MARCHF6: variants seen among roughly 807,000 people sequenced by gnomAD.
The protein encoded by MARCHF6 is E3 ubiquitin-protein ligase MARCHF6.
In MARCHF6, 31 loss-of-function variants were observed where a neutral mutation model predicts 133.7. The ratio of observed to expected loss-of-function variants is 0.23; its 90% CI spans 0.17 to 0.31. The LOEUF is 0.31. MARCHF6 is among the 10% of genes least tolerant of loss of function. The pLI, the probability that MARCHF6 is intolerant of heterozygous loss-of-function variation, is 1.00. For missense variants in MARCHF6, 723 were observed against 1,121.6 expected (o/e 0.64, Z 5.08); for synonymous variants, 395 against 402.5 (o/e 0.98, Z 0.22).
At chr5:10,402,012 G>A (rs1738563392) in intron 11 of MARCHF6, 47 bp from the exon 12 acceptor site, 1 of 1,123,086 alleles carries the variant, frequency 8.9e-7, no homozygotes, top group Non-Finnish European at 1.4e-6. Context: ...CCGGGGTGTA[G>A]AACATGTTGT....
chr5:10,404,149 C>T (rs1342656409), intron 15 of MARCHF6, among the ~76,000 whole-genome samples: 1 of 151,740 alleles, frequency 6.6e-6, no homozygotes, highest in African/African-American at 2.4e-5. Flanking sequence ...GATCTTGGAA[C>T]CTCCACCTCC....
chr5:10,399,788 T>C (rs1272082378), intron 10 of MARCHF6, among the ~76,000 whole-genome samples: 2 of 152,176 alleles, frequency 1.3e-5, no homozygotes, highest in Admixed American at 1.3e-4. Flanking sequence ...TTATAAGTTA[T>C]TAGTCTTTTA....
intron 22 of MARCHF6, among the ~76,000 whole-genome samples, 168 bp from the exon 23 acceptor site, chr5:10,423,566 GA>G (rs1044750166): frequency 1.3e-5 from 2 of 151,896 alleles, no homozygotes; most frequent in African/African-American, 2.4e-5. Flanking sequence ...AGCTGTTGAA[GA>G]AAAAAAATTC....
intron 12 of MARCHF6, 23 bp downstream of exon 12, chr5:10,402,162 G>A: frequency 1.4e-6 from 2 of 1,395,266 alleles, no homozygotes; most frequent in East Asian, 2.3e-5. Flanking sequence ...GAACCAACTT[G>A]GGTGTACACT....
rs368423784 is a variant in MARCHF6, at chr5:10,410,205, C to T, written c.1620C>T (p.Leu540=). 1.9e-5 allele frequency: 30 copies of T among 1,613,918 alleles called. No individual in the cohort carries two copies. The highest frequency in any genetic ancestry group is 6.7e-5 in the Admixed American group (4 of 60,016). Residue 540 remains leucine, a synonymous_variant, in exon 18 of 26, where the codon CTC becomes CTT. Coordinates refer to ENST00000274140, the MANE Select transcript of MARCHF6 (RefSeq NM_005885.4). ...TTCAGGTTGTCTTGCCAGCATTACT[C>T]GAACAGGGACACACGAGGCAGTGGC... is the stretch of plus-strand genomic sequence containing the variant. The part of the protein sequence containing the change: ...LLLQVVLPAL[L]EQGHTRQWLK...
chr5:10,365,450 G>A (rs1736088536), intron 1 of MARCHF6, among the ~76,000 whole-genome samples: 1 of 152,102 alleles, frequency 6.6e-6, no homozygotes. Flanking sequence ...ACAGGCATAT[G>A]CCACCACACC....
At chr5:10,380,096 A>C (rs1737037640) in intron 3 of MARCHF6, among the ~76,000 whole-genome samples, 1 of 149,916 alleles carries the variant, frequency 6.7e-6, no homozygotes, top group Admixed American at 6.6e-5. Flanking sequence ...TTGAAGCATA[A>C]TTTTTCATTC....
chr5:10,397,456 C>A, intron 10 of MARCHF6, 112 bp downstream of exon 10: 2 of 762,152 alleles, frequency 2.6e-6, no homozygotes, highest in Non-Finnish European at 4.0e-6. Flanking sequence ...AAATACTAAG[C>A]AGTATATGAA....
At position 10,426,431 on chromosome 5, in the gene MARCHF6, T is replaced by C. The variant is rs1476123393; in HGVS notation, c.2415T>C (p.Ile805=). 8 of 1,614,194 alleles carry C rather than the reference T, an allele frequency of 5.0e-6. No homozygotes were observed. In the South Asian group the frequency reaches 8.8e-5, roughly 18 times the overall value. ...TCCGGAACATTGACCTTCACTATATTGTTCGTAAACTGGCAGCTCCCGTGA... is the reference window on the plus strand; with the variant it reads ...TCCGGAACATTGACCTTCACTATATCGTTCGTAAACTGGCAGCTCCCGTGA... The part of the protein sequence containing the change: ...NGIRNIDLHY[I]VRKLAAPVIS... The change falls in exon 24 of 26, where the codon ATT becomes ATC. Residue 805 remains isoleucine, a synonymous_variant. Transcript: ENST00000274140.
intron 2 of MARCHF6, among the ~76,000 whole-genome samples, chr5:10,378,315 A>G (rs2126693516): frequency 6.6e-6 from 1 of 152,314 alleles, no homozygotes; most frequent in Admixed American, 6.5e-5. Context: ...GAAAATTGTG[A>G]TGAGGTGGAG....
intron 1 of MARCHF6, among the ~76,000 whole-genome samples, chr5:10,375,436 C>T (rs1448371603): frequency 6.6e-6 from 1 of 152,264 alleles, no homozygotes; most frequent in Admixed American, 6.5e-5. Context: ...GCCTGAGCCT[C>T]CCACCCACTC....
At chr5:10,363,576 C>A (rs1735952405) in intron 1 of MARCHF6, among the ~76,000 whole-genome samples, 1 of 152,108 alleles carries the variant, frequency 6.6e-6, no homozygotes, top group African/African-American at 2.4e-5. Flanking sequence ...TTGGTAATTC[C>A]TCAAAAAGAT....
rs1301085478 is a variant in MARCHF6, at chr5:10,390,494, A to G, written c.570A>G (p.Gln190=). Residue 190 remains glutamine (Q), a synonymous_variant, in exon 6 of 26, where the codon CAA becomes CAG. Coordinates refer to ENST00000274140, the MANE Select transcript of MARCHF6 (RefSeq NM_005885.4). The part of the protein sequence containing the change: ...APPFNAAGHH[Q]NEAPAGGNGA... The stretch of plus-strand genomic sequence containing the variant: ...CGTTCAATGCTGCGGGGCATCACCA[A>G]AATGAGGTAACTCCCCTACCCCAAA... 1 of 1,612,644 alleles carries G rather than the reference A, an allele frequency of 6.2e-7. No homozygotes were observed. The highest frequency in any genetic ancestry group is 1.7e-5 in the Admixed American group (1 of 59,470).
intron 1 of MARCHF6, among the ~76,000 whole-genome samples, chr5:10,371,373 A>G (rs760912520): frequency 2.0e-5 from 3 of 152,198 alleles, no homozygotes; most frequent in African/African-American, 4.8e-5. Flanking sequence ...TGATAAAGAC[A>G]TACCTGAGAC....
At chr5:10,410,664 G>A (rs903322007) in intron 18 of MARCHF6, among the ~76,000 whole-genome samples, 3 of 151,804 alleles carry the variant, frequency 2.0e-5, no homozygotes, top group African/African-American at 7.3e-5. Context: ...ATCTTCTAGT[G>A]AACATGTTGC....
chr5:10,430,459 C>T (rs1740310576), intron 25 of MARCHF6, among the ~76,000 whole-genome samples: 1 of 151,984 alleles, frequency 6.6e-6, no homozygotes, highest in African/African-American at 2.4e-5. Flanking sequence ...GTGTGCACCA[C>T]CATGCTCAGC....
chr5:10,427,709 A>G (rs2126354935), intron 24 of MARCHF6, among the ~76,000 whole-genome samples: 1 of 152,306 alleles, frequency 6.6e-6, no homozygotes, highest in South Asian at 2.1e-4. Flanking sequence ...GAACTTTTCC[A>G]GCCCTTTGGA....
At position 10,437,859 on chromosome 5, in the gene MARCHF6, TTTTG is replaced by T. The variant is rs549259438; in HGVS notation, c.*4183_*4186del. The T allele has an allele frequency of 3.9e-5, 6 of 152,436 alleles. No homozygotes were observed. Among genetic ancestry groups the T allele is most frequent in the South Asian group, 2.1e-4 (1 of 4,834 alleles). 9.4% of individuals were successfully genotyped at this position (152,436 alleles called of 1,614,324 possible). ...GTGAATGTTAATTGTAGTCTAGTTT[TTTTG>T]TTTGTTTTTGTGTTATTGCAAGATT... On this transcript the variant is annotated 3_prime_UTR_variant, in exon 26 of 26. Coordinates refer to ENST00000274140, the MANE Select transcript of MARCHF6 (RefSeq NM_005885.4).
At chr5:10,358,896 A>G (rs1735647240) in intron 1 of MARCHF6, among the ~76,000 whole-genome samples, 1 of 152,236 alleles carries the variant, frequency 6.6e-6, no homozygotes, top group Non-Finnish European at 1.5e-5. Context: ...GAGACTGTAC[A>G]TGGCACCATT....
Sources: gnomAD v4.1 joint callset for allele counts (sites outside exome capture counted in the v4.1 genomes callset) on GRCh38, gnomAD v4.1.1 for gene constraint, MANE v1.5 for transcripts, NCBI Gene and HGNC (gene_info 2026-07-23, HGNC 2026-07-21) for gene names.